USP31: variants seen among roughly 807,000 people sequenced by gnomAD.
The protein encoded by USP31 is ubiquitin carboxyl-terminal hydrolase 31.
USP31 carries 44 observed loss-of-function variants against 119.4 expected under a neutral mutation model. The observed-to-expected ratio is 0.37, with a 90% confidence interval of 0.29 to 0.47. The LOEUF is 0.47. USP31 is among the 20% of genes least tolerant of loss of function. USP31 has a pLI of 0.99. For synonymous variants in USP31, 749 were observed against 705.6 expected, an observed-to-expected ratio of 1.06 and a Z score of -0.97; for missense variants, 1,643 against 1,730.2, an observed-to-expected ratio of 0.95 and a Z score of 0.89.
intron 14 of USP31, among the ~76,000 whole-genome samples, chr16:23,073,365 G>C: frequency 6.6e-6 from 1 of 152,198 alleles, no homozygotes; most frequent in Admixed American, 6.5e-5. Flanking sequence ...CTGTATTATA[G>C]ATGATTGCTA....
intron 7 of USP31, 103 bp downstream of exon 7, chr16:23,090,521 T>G: frequency 2.5e-6 from 3 of 1,191,750 alleles, no homozygotes; most frequent in Non-Finnish European, 2.3e-6. Flanking sequence ...AATCAAAAAT[T>G]AACTACTAAA....
intron 13 of USP31, among the ~76,000 whole-genome samples, chr16:23,076,074 G>A (rs971948395): frequency 2.0e-5 from 3 of 152,122 alleles, no homozygotes; most frequent in Non-Finnish European, 4.4e-5. Flanking sequence ...GACAAAGTGA[G>A]ACCCTGTCTC....
At chr16:23,109,444 T>C (rs1053452995) in intron 1 of USP31, among the ~76,000 whole-genome samples, 2 of 152,096 alleles carry the variant, frequency 1.3e-5, no homozygotes, top group African/African-American at 2.4e-5. Flanking sequence ...AAAGTATAAA[T>C]TGATATAATT....
rs750747934 is a variant in USP31, at chr16:23,108,179, A to G, written c.638T>C (p.Ile213Thr). The change falls in exon 2 of 16, where the codon ATT becomes ACT. Residue 213 changes from isoleucine (I) to threonine (T), a missense_variant. Coordinates refer to ENST00000219689, the MANE Select transcript of USP31 (RefSeq NM_020718.4). The part of the protein sequence containing the change: ...TPQHSRDFKT[I>T]VSKNALQYRG... ...GTACTGCAGTGCATTCTTTGACACAATAGTCTATGCAGGTAAATAAATCAC... is the reference window on the plus strand; with the variant it reads ...GTACTGCAGTGCATTCTTTGACACAGTAGTCTATGCAGGTAAATAAATCAC... 1.2e-6 allele frequency: 2 copies of G among 1,611,398 alleles called. No individual in the cohort carries two copies. Among genetic ancestry groups the G allele is most frequent in the African/African-American group, 2.7e-5 (2 of 74,872 alleles).
rs752033482 is a variant in USP31, at chr16:23,090,657, C to T, written c.1382G>A (p.Cys461Tyr). The change falls in exon 7 of 16, where the codon TGT (cysteine) becomes TAT (tyrosine). Residue 461 changes from cysteine to tyrosine, a missense_variant. Coordinates refer to ENST00000219689, the MANE Select transcript of USP31 (RefSeq NM_020718.4). ...TTGTTGCCCAGTGCAGGCTCGGTTA[C>T]ACACCAACAGGACAATCTTGTCGCT... ...AGSDKIVLLV[C>Y]NRACTGQQGK... is the part of the protein sequence containing the mutation. 1 of 1,613,780 alleles carries T rather than the reference C, an allele frequency of 6.2e-7. No individual in the cohort carries two copies. The highest frequency in any genetic ancestry group is 1.1e-5 in the South Asian group (1 of 91,034).
In USP31 at chr16:23,069,138, G is replaced by C. The variant is rs201814190; in HGVS notation, c.2967C>G (p.Ile989Met). The change falls in exon 16 of 16, where the codon ATC becomes ATG. Residue 989 changes from isoleucine to methionine, a missense_variant. Around this residue, in one of 5 missense-constraint regions of USP31, gnomAD observed 699 missense variants for 650.9 expected, o/e 1.07. Transcript: ENST00000219689. ...LSGPFDNNNQ[I>M]AYVDQSDSVD... ...CGGAGTCGCTCTGATCCACATAAGC[G>C]ATCTGATTATTGTTATCAAATGGAC... 6.2e-7 allele frequency: 1 copy of C among 1,613,808 alleles called. No homozygotes were observed. The highest frequency in any genetic ancestry group is 8.5e-7 in the Non-Finnish European group (1 of 1,180,032).
intron 7 of USP31, among the ~76,000 whole-genome samples, chr16:23,089,651 A>G (rs1901266346): frequency 6.6e-6 from 1 of 152,248 alleles, no homozygotes; most frequent in African/African-American, 2.4e-5. Flanking sequence ...AGAAACACTG[A>G]GTCCTTTCTC....
At chr16:23,085,737 G>T in intron 9 of USP31, 75 bp from the exon 10 acceptor site, 2 of 1,236,888 alleles carry the variant, frequency 1.6e-6, no homozygotes, top group Admixed American at 2.1e-5. Context: ...ATGTGATTAT[G>T]TCCTACCCAA....
At position 23,068,880 on chromosome 16, in the gene USP31, G is replaced by A; in HGVS notation, c.3225C>T (p.Ser1075=). The change falls in exon 16 of 16, where the codon AGC becomes AGT. Residue 1075 remains serine (S), a synonymous_variant. Coordinates refer to ENST00000219689, the MANE Select transcript of USP31 (RefSeq NM_020718.4). ...KVSLKPSRSR[S]KADSSSRGSG... The stretch of plus-strand genomic sequence containing the variant: ...TGCCCCTGGAAGAAGAATCTGCTTT[G>A]CTGCGGGAGCGGGAGGGCTTTAGAG... The A allele has an allele frequency of 1.9e-6, 3 of 1,594,674 alleles. No individual in the cohort carries two copies. Among genetic ancestry groups the A allele is most frequent in the Non-Finnish European group, 2.6e-6 (3 of 1,171,060 alleles).
chr16:23,070,917 A>G (rs901967851), intron 15 of USP31, among the ~76,000 whole-genome samples: 12 of 152,188 alleles, frequency 7.9e-5, no homozygotes, highest in South Asian at 4.1e-4. Flanking sequence ...ATGATGCTTA[A>G]AAGGATACTG....
At chr16:23,112,033 G>T (rs192796761) in intron 1 of USP31, among the ~76,000 whole-genome samples, 4 of 152,244 alleles carry the variant, frequency 2.6e-5, no homozygotes, top group Admixed American at 2.6e-4. Context: ...AAAAAACAAA[G>T]GGATATCACA....
chr16:23,140,380 G>A (rs1212401768), intron 1 of USP31, among the ~76,000 whole-genome samples: 1 of 152,086 alleles, frequency 6.6e-6, no homozygotes, highest in Non-Finnish European at 1.5e-5. Flanking sequence ...GTGGGTGAAG[G>A]CCAGGGATTC....
At chr16:23,136,639 G>C (rs1441906089) in intron 1 of USP31, among the ~76,000 whole-genome samples, 1 of 146,658 alleles carries the variant, frequency 6.8e-6, no homozygotes, top group South Asian at 2.1e-4. Context: ...AGGCAACAAA[G>C]CAAGACTTCA....
intron 1 of USP31, among the ~76,000 whole-genome samples, chr16:23,124,247 A>C (rs1021952749): frequency 7.9e-5 from 12 of 152,316 alleles, no homozygotes; most frequent in South Asian, 4.2e-4. Flanking sequence ...AACAACCCTA[A>C]GTCACCAAGG....
At position 23,084,980 on chromosome 16, in the gene USP31, T is replaced by C. The variant is rs1271421736; in HGVS notation, c.1710A>G (p.Val570=). 1.2e-6 allele frequency: 2 copies of C among 1,613,912 alleles called. No individual in the cohort carries two copies. The highest frequency in any genetic ancestry group is 1.1e-5 in the South Asian group (1 of 91,058). ...WDKETRDFLF[V]NTEDEYIPDA... is the part of the protein sequence containing the mutation. ...CAGGAATATACTCATCCTCAGTATT[T>C]ACAAATAAGCTGCAATTAGGGGGAA... Residue 570 remains valine, a synonymous_variant, in exon 11 of 16, where the codon GTA becomes GTG. Transcript: ENST00000219689.
chr16:23,063,959 C>T lies in USP31; in HGVS notation c.*4087G>A, dbSNP rs1899960123. The T allele has an allele frequency of 6.6e-6, 1 of 152,398 alleles. No homozygotes were observed. Among genetic ancestry groups the T allele is most frequent in the Non-Finnish European group, 1.5e-5 (1 of 68,034 alleles). 9.4% of individuals were successfully genotyped at this position (152,398 alleles called of 1,614,324 possible). A position where few individuals can be genotyped will look rare whatever the true frequency, so the allele number is the denominator to read the frequency against. On this transcript the variant is annotated 3_prime_UTR_variant, in exon 16 of 16. Coordinates refer to ENST00000219689, the MANE Select transcript of USP31 (RefSeq NM_020718.4). ...AAAACCACTGGATTTCTCCCCAAAC[C>T]ATGTAGTAGAGTTTAACAATAATGT... is the stretch of plus-strand genomic sequence containing the variant.
At chr16:23,111,001 G>A (rs977851026) in intron 1 of USP31, among the ~76,000 whole-genome samples, 3 of 152,150 alleles carry the variant, frequency 2.0e-5, no homozygotes, top group South Asian at 2.1e-4. Context: ...GGTGGTGGGC[G>A]CCTGTAGTCC....
chr16:23,117,067 C>T (rs935113943), intron 1 of USP31, among the ~76,000 whole-genome samples: 15 of 152,202 alleles, frequency 9.9e-5, no homozygotes, highest in African/African-American at 2.7e-4. Context: ...ATCCAAAATG[C>T]TCCAATGAGC....
intron 1 of USP31, among the ~76,000 whole-genome samples, chr16:23,124,794 C>T (rs1173896563): frequency 6.6e-6 from 1 of 152,062 alleles, no homozygotes; most frequent in African/African-American, 2.4e-5. Context: ...GAGGCTGAGG[C>T]AGGAGAATTG....
Sources: gnomAD v4.1 joint callset for allele counts (sites outside exome capture counted in the v4.1 genomes callset) on GRCh38, gnomAD v4.1.1 for gene constraint, gnomAD v4.1.1 regional missense constraint, MANE v1.5 for transcripts, NCBI Gene and HGNC (gene_info 2026-07-23, HGNC 2026-07-21) for gene names.